The following TYW1B variants were observed in gnomAD, a reference collection of about 807,000 sequenced individuals.
TYW1B encodes the protein tRNA-yW synthesizing protein 1 homolog B, also known as S-adenosyl-L-methionine-dependent tRNA 4-demethylwyosine synthase TYW1B.
TYW1B carries 73 observed loss-of-function variants against 86.9 expected under a neutral mutation model. The ratio of observed to expected loss-of-function variants is 0.84; its 90% CI spans 0.70 to 1.02. The LOEUF (loss-of-function observed/expected upper bound fraction) is 1.02, where lower values mean the gene tolerates loss of function less well. Among genes scored for constraint, TYW1B ranks in the 50% least tolerant of loss-of-function variants. TYW1B has a pLI of 0.00. For synonymous variants in TYW1B, 248 were observed against 292.8 expected (o/e 0.85, Z 1.56); for missense variants, 637 against 827.4 (o/e 0.77, Z 2.82).
At chr7:72,756,142 T>A (rs1195691760) in intron 7 of TYW1B, among the ~76,000 whole-genome samples, 12 of 152,194 alleles carry the variant, frequency 7.9e-5, no homozygotes, top group Admixed American at 7.2e-4. Flanking sequence ...TAATAAAGAA[T>A]GTAAAAAGTC....
At chr7:72,640,088 A>C (rs1812767785) in intron 11 of TYW1B, among the ~76,000 whole-genome samples, 1 of 152,100 alleles carries the variant, frequency 6.6e-6, no homozygotes, top group Admixed American at 6.6e-5. Flanking sequence ...AACAATAATA[A>C]AAAAATAAAT....
rs1786726502 is a variant in TYW1B at position 72,713,863 on chromosome 7, T to C, written c.1193-65A>G. 5 of 1,482,960 alleles carry C rather than the reference T, an allele frequency of 3.4e-6. No individual in the cohort carries two copies. The African/African-American group carries it at 7.0e-5, about 21-fold the overall frequency. 91.9% of individuals were successfully genotyped at this position (1,482,960 alleles called of 1,614,324 possible). A position where few individuals can be genotyped will look rare whatever the true frequency, so the allele number is the denominator to read the frequency against. ...CAGATAGAGGATGTCACGTTTTTCT[T>C]AATGATGCTTTGATTTTATAGAGCA... On this transcript the variant is annotated intron_variant, in intron 9 of 13. Transcript: ENST00000620995.
chr7:72,604,738 T>C (rs1244673324), intron 13 of TYW1B, among the ~76,000 whole-genome samples: 2 of 152,182 alleles, frequency 1.3e-5, no homozygotes, highest in African/African-American at 4.8e-5. Flanking sequence ...CAGCTGACTG[T>C]ACCACCTTGT....
chr7:72,609,936 C>T (rs1322677022), intron 13 of TYW1B, among the ~76,000 whole-genome samples: 2 of 152,104 alleles, frequency 1.3e-5, no homozygotes, highest in Admixed American at 6.6e-5. Flanking sequence ...GCTGTGGTTC[C>T]CAAGCAGTGG....
chr7:72,802,950 T>C (rs1788428850), intron 5 of TYW1B, among the ~76,000 whole-genome samples: 1 of 152,082 alleles, frequency 6.6e-6, no homozygotes, highest in Admixed American at 6.6e-5. Flanking sequence ...AAAAATAAAA[T>C]CTAGGCTGGG....
rs1412889344 is a variant in TYW1B, at chr7:72,603,155, T to C, written c.1785+13517A>G. Among the ~76,000 whole-genome samples, 16 of 137,508 alleles carry C rather than the reference T, an allele frequency of 1.2e-4. 1 individual carries two copies. Among genetic ancestry groups the C allele is most frequent in the Admixed American group, 5.0e-4 (7 of 13,870 alleles). The allele number at this position is 137,508 out of a possible 152,430, so 90.2% of individuals were successfully genotyped here. On this transcript the variant is annotated intron_variant, in intron 13 of 13. Transcript: ENST00000620995. ...ATGGATAGATGGATGGACAGATGGA[T>C]AGATGATAGAAGATGGATGGATGGA...
chr7:72,590,609 G>A (rs1341528035), intron 13 of TYW1B, among the ~76,000 whole-genome samples: 2 of 152,220 alleles, frequency 1.3e-5, no homozygotes, highest in African/African-American at 4.8e-5. Flanking sequence ...AAAGAGAACT[G>A]AAAAGACTAA....
chr7:72,812,320 T>C (rs1433190408), intron 3 of TYW1B, among the ~76,000 whole-genome samples: 1 of 152,152 alleles, frequency 6.6e-6, no homozygotes, highest in East Asian at 1.9e-4. Flanking sequence ...CCTTGACCCA[T>C]CACAGGAGGT....
chr7:72,814,591 AAAC>A (rs1554479021), intron 3 of TYW1B, among the ~76,000 whole-genome samples: 1 of 151,916 alleles, frequency 6.6e-6, no homozygotes, highest in African/African-American at 2.4e-5. Context: ...CTCAAAAAAA[AAAC>A]AAAAAAAACT....
At chr7:72,755,749 AAG>A (rs1261222489) in intron 7 of TYW1B, among the ~76,000 whole-genome samples, 3 of 152,230 alleles carry the variant, frequency 2.0e-5, no homozygotes, top group Non-Finnish European at 2.9e-5. Context: ...AAACAGGAAG[AAG>A]AGTTTCTCAA....
chr7:72,809,671 A>T (rs1324612381), intron 4 of TYW1B, among the ~76,000 whole-genome samples: 69 of 17,084 alleles, frequency 4.0e-3, no homozygotes, highest in Non-Finnish European at 0.013. Context: ...AAACATAATT[A>T]AAAAAAAATT....
intron 6 of TYW1B, among the ~76,000 whole-genome samples, chr7:72,793,800 G>A (rs1322752056): frequency 6.6e-6 from 1 of 151,770 alleles, no homozygotes; most frequent in African/African-American, 2.4e-5. Flanking sequence ...AGATGAAAGA[G>A]TAGAGAGCAT....
chr7:72,800,537 G>C (rs1159340919), intron 6 of TYW1B, among the ~76,000 whole-genome samples: 1 of 151,888 alleles, frequency 6.6e-6, no homozygotes, highest in Non-Finnish European at 1.5e-5. Context: ...TTAAACTCCA[G>C]GTCTTCAGAG....
chr7:72,605,957 C>A (rs1459823655), intron 13 of TYW1B, among the ~76,000 whole-genome samples: 15 of 152,056 alleles, frequency 9.9e-5, no homozygotes, highest in African/African-American at 3.6e-4. Context: ...TGGTTCTGGA[C>A]AAGATGGAGT....
At position 72,575,675 on chromosome 7, in the gene TYW1B, G is replaced by A; in HGVS notation, c.1830C>T (p.Arg610=). Residue 610 remains arginine, a synonymous_variant, in exon 14 of 14, where the codon CGC becomes CGT. Coordinates refer to ENST00000620995, the MANE Select transcript of TYW1B (RefSeq NM_001145440.3). ...GEWWTWIDYN[R]FQELIQEYED... ...CATATTCCTGGATGAGCTCCTGGAA[G>A]CGGTTATAATCGATCCATGTCCACC... The A allele has an allele frequency of 1.3e-5, 21 of 1,613,294 alleles. No individual in the cohort carries two copies. The highest frequency in any genetic ancestry group is 1.8e-5 in the Non-Finnish European group (21 of 1,179,602).
intron 9 of TYW1B, among the ~76,000 whole-genome samples, chr7:72,722,038 G>T (rs1168132517): frequency 6.6e-6 from 1 of 152,194 alleles, no homozygotes; most frequent in Non-Finnish European, 1.5e-5. Context: ...TAACAATGCA[G>T]TTCCGGGCCA....
chr7:72,658,208 G>A (rs1188858815), intron 11 of TYW1B, among the ~76,000 whole-genome samples: 15 of 151,614 alleles, frequency 9.9e-5, no homozygotes, highest in Admixed American at 6.6e-4. Flanking sequence ...CTGAGATCGC[G>A]CCACTGCGCT....
intron 11 of TYW1B, among the ~76,000 whole-genome samples, chr7:72,642,317 G>C (rs1428890398): frequency 6.6e-6 from 1 of 152,086 alleles, no homozygotes; most frequent in African/African-American, 2.4e-5. Flanking sequence ...AAAAACATAA[G>C]CAACAGAAGG....
At chr7:72,577,394 A>G (rs1554428917) in intron 13 of TYW1B, among the ~76,000 whole-genome samples, 1 of 152,144 alleles carries the variant, frequency 6.6e-6, no homozygotes, top group African/African-American at 2.4e-5. Flanking sequence ...ATGGTGCCTC[A>G]AGGGCCCTGT....
Sources: allele counts gnomAD v4.1 joint callset (sites outside exome capture counted in the v4.1 genomes callset), GRCh38; gene constraint gnomAD v4.1.1; transcripts MANE v1.5; gene names NCBI Gene and HGNC (gene_info 2026-07-23, HGNC 2026-07-21).